COX20: variants seen among roughly 807,000 people sequenced by gnomAD.
The protein encoded by COX20 is cytochrome c oxidase assembly factor COX20, also known as cytochrome c oxidase assembly protein COX20, mitochondrial.
COX20 carries 14 observed loss-of-function variants against 14.3 expected under a neutral mutation model. That is an observed-to-expected ratio of 0.98 (90% CI 0.65 to 1.53). The LOEUF is 1.53. COX20 is among the 40% of genes most tolerant of loss of function. COX20 has a pLI of 0.00. For missense variants in COX20, 149 were observed against 142.1 expected, an observed-to-expected ratio of 1.05 and a Z score of -0.25; for synonymous variants, 56 against 51.7, an observed-to-expected ratio of 1.08 and a Z score of -0.36.
At chr1:244,836,464 G>T (rs1679987848) in intron 1 of COX20, 1 of 1,549,216 alleles carries the variant, frequency 6.5e-7, no homozygotes, top group East Asian at 2.4e-5. Flanking sequence ...GCTGACTTAC[G>T]TACTTTCCCC....
At position 244,844,534 on chromosome 1, in the gene COX20, G is replaced by C. The variant is rs1222542883; in HGVS notation, c.*1358G>C. 6.6e-6 allele frequency: 1 copy of C among 152,248 alleles called. No homozygotes were observed. Among genetic ancestry groups the C allele is most frequent in the Non-Finnish European group, 1.5e-5 (1 of 68,100 alleles). The allele number at this position is 152,248 out of a possible 1,614,324, so 9.4% of individuals were successfully genotyped here. ...GCACTTTGGGAGGCCGAGGCAGTTG[G>C]ATCACCTGAGGTTAGGAGTTTGAGA... On this transcript the variant is annotated 3_prime_UTR_variant, in exon 4 of 4. Transcript: ENST00000411948.
chr1:244,842,339 G>T, intron 3 of COX20, 81 bp downstream of exon 3: 1 of 948,998 alleles, frequency 1.1e-6, no homozygotes, highest in Non-Finnish European at 1.7e-6. Flanking sequence ...TTTCAGAGCA[G>T]TCTCCCATTG....
At chr1:244,835,537 CG>C (rs1679935709), upstream of COX20, 1 of 407,392 alleles carries the variant, frequency 2.5e-6, no homozygotes, top group Non-Finnish European at 4.2e-6. Flanking sequence ...CATGACAGCC[CG>C]GCCCCGTGCG....
At chr1:244,839,240 T>C (rs1167695145) in intron 1 of COX20, among the ~76,000 whole-genome samples, 1 of 152,150 alleles carries the variant, frequency 6.6e-6, no homozygotes, top group African/African-American at 2.4e-5. Context: ...CAATTCATCC[T>C]TTGCAACCAG....
intron 1 of COX20, chr1:244,836,470 T>TC (rs1679988239): frequency 6.5e-7 from 1 of 1,549,972 alleles, no homozygotes; most frequent in African/African-American, 1.4e-5. Context: ...TTACGTACTT[T>TC]CCCCATCTTC....
At chr1:244,842,897 A>T (rs1558179214) in intron 3 of COX20, 144 bp from the exon 4 acceptor site, 2 of 606,990 alleles carry the variant, frequency 3.3e-6, no homozygotes, top group Non-Finnish European at 5.4e-6. Context: ...ACTGCCCAAA[A>T]ATAGCACTAT....
At chr1:244,837,462 G>A (rs946736901) in intron 1 of COX20, among the ~76,000 whole-genome samples, 1 of 152,164 alleles carries the variant, frequency 6.6e-6, no homozygotes, top group Non-Finnish European at 1.5e-5. Context: ...AAAAATGGGA[G>A]TTACCAAGCT....
In COX20 at chr1:244,844,327, C is replaced by G. The variant is rs376325485; in HGVS notation, c.*1151C>G. Reference sequence around the variant, plus strand: ...TGGTTTACCAAATGCCTTAACTTAGCAGTGAATGACAACTGTCAAACACAT... The same window carrying G: ...TGGTTTACCAAATGCCTTAACTTAGGAGTGAATGACAACTGTCAAACACAT... On this transcript the variant is annotated 3_prime_UTR_variant, in exon 4 of 4. Transcript: ENST00000411948. The G allele has an allele frequency of 2.0e-5, 3 of 152,302 alleles. No individual in the cohort carries two copies. The highest frequency in any genetic ancestry group is 3.9e-4 in the East Asian group (2 of 5,188). The allele number at this position is 152,302 out of a possible 1,614,324, so 9.4% of individuals were successfully genotyped here. A position where few individuals can be genotyped will look rare whatever the true frequency, so the allele number is the denominator to read the frequency against.
At chr1:244,835,554 T>C, upstream of COX20, 1 of 449,140 alleles carries the variant, frequency 2.2e-6, no homozygotes, top group Non-Finnish European at 3.6e-6. Context: ...GTGCGGCCAC[T>C]GCGGAGCGTT....
chr1:244,841,542 T>C (rs1180900349), intron 1 of COX20: 1 of 162,224 alleles, frequency 6.2e-6, no homozygotes, highest in African/African-American at 2.4e-5. Flanking sequence ...CTCAAATTAC[T>C]TTTTCCATTT....
chr1:244,839,003 T>A (rs2102971524), intron 1 of COX20, among the ~76,000 whole-genome samples: 1 of 152,336 alleles, frequency 6.6e-6, no homozygotes, highest in Middle Eastern at 3.4e-3. Flanking sequence ...TTGGCCAGGC[T>A]GGTCTCGAAC....
chr1:244,836,659 C>G (rs1004053773), intron 1 of COX20: 2 of 689,274 alleles, frequency 2.9e-6, no homozygotes, highest in Non-Finnish European at 4.8e-6. Context: ...CTAGGGAGAT[C>G]GTAACATTGG....
intron 1 of COX20, among the ~76,000 whole-genome samples, chr1:244,838,116 G>C (rs1456438090): frequency 6.6e-6 from 1 of 152,148 alleles, no homozygotes; most frequent in East Asian, 1.9e-4. Context: ...GTCTGGCTCA[G>C]GATGTATTTA....
intron 3 of COX20, 34 bp downstream of exon 3, chr1:244,842,292 TTATAGTAGGTTA>T: frequency 7.2e-7 from 1 of 1,383,800 alleles, no homozygotes; most frequent in Non-Finnish European, 1.0e-6. Context: ...ACATCCATGA[TTATAGTAGGTTA>T]TCTAATTCAA....
At chr1:244,842,957 G>A (rs1680266515) in intron 3 of COX20, 84 bp from the exon 4 acceptor site, 1 of 1,083,242 alleles carries the variant, frequency 9.2e-7, no homozygotes, top group South Asian at 1.8e-5. Flanking sequence ...CTGTATTTAA[G>A]TTTTGTGTGA....
chr1:244,837,181 G>T (rs562580779), intron 1 of COX20, among the ~76,000 whole-genome samples: 2 of 152,056 alleles, frequency 1.3e-5, no homozygotes, highest in Non-Finnish European at 2.9e-5. Flanking sequence ...AAACAATACT[G>T]TAGTTGTTGA....
intron 1 of COX20, among the ~76,000 whole-genome samples, chr1:244,837,787 A>G (rs1270892494): frequency 6.6e-6 from 1 of 152,204 alleles, no homozygotes; most frequent in East Asian, 1.9e-4. Flanking sequence ...GGTAATAACC[A>G]TCTCGGCTTG....
upstream of COX20, chr1:244,835,575 C>T (rs1679938950): frequency 3.7e-6 from 2 of 547,780 alleles, no homozygotes; most frequent in South Asian, 8.7e-5. Flanking sequence ...AGGAACATTC[C>T]CTAAAATGGC....
chr1:244,839,170 G>A (rs1231951628), intron 1 of COX20, among the ~76,000 whole-genome samples: 3 of 151,502 alleles, frequency 2.0e-5, no homozygotes, highest in Non-Finnish European at 4.4e-5. Flanking sequence ...AAGCCCTTGA[G>A]TATGCAAGAG....
Sources: allele counts gnomAD v4.1 joint callset (sites outside exome capture counted in the v4.1 genomes callset), GRCh38; gene constraint gnomAD v4.1.1; transcripts MANE v1.5; gene names NCBI Gene and HGNC (gene_info 2026-07-23, HGNC 2026-07-21).